The following DGKG variants were observed in gnomAD, a reference collection of about 807,000 sequenced individuals.
DGKG encodes the protein diacylglycerol kinase gamma.
A neutral mutation model predicts 105.3 loss-of-function variants in DGKG; 78 were observed. That is an observed-to-expected ratio of 0.74 (90% confidence interval 0.62 to 0.89). The LOEUF (loss-of-function observed/expected upper bound fraction) is 0.89, where lower values mean the gene tolerates loss of function less well. Among genes scored for constraint, DGKG ranks in the 40% least tolerant of loss-of-function variants. DGKG has a pLI of 0.00. For synonymous variants in DGKG, 346 were observed against 367.1 expected, an observed-to-expected ratio of 0.94 and a Z score of 0.66; for missense variants, 958 against 1,020.1, an observed-to-expected ratio of 0.94 and a Z score of 0.83.
chr3:186,299,235 T>G (rs539133494), intron 3 of DGKG, among the ~76,000 whole-genome samples: 31 of 152,316 alleles, frequency 2.0e-4, no homozygotes, highest in African/African-American at 6.5e-4. Flanking sequence ...ATAGCAGCCA[T>G]GAGAATAAAA....
intron 22 of DGKG, among the ~76,000 whole-genome samples, chr3:186,179,637 G>A (rs985176451): frequency 2.0e-5 from 3 of 152,182 alleles, no homozygotes; most frequent in Non-Finnish European, 2.9e-5. Flanking sequence ...TGAGAACCAC[G>A]TTGAATGGCC....
rs1377176416 is a variant in DGKG, at chr3:186,320,489, C to A, written c.-30G>T. The A allele has an allele frequency of 1.2e-6, 2 of 1,614,078 alleles. No homozygotes were observed. The highest frequency in any genetic ancestry group is 4.5e-5 in the East Asian group (2 of 44,874). The stretch of plus-strand genomic sequence containing the variant: ...AAACTTTATGTGAGTGGCTAAAGGG[C>A]AGTGATGGAGTTTTGTTCACTAGGC... On this transcript the variant is annotated 5_prime_UTR_variant, in exon 2 of 25. Transcript: ENST00000265022.
intron 20 of DGKG, among the ~76,000 whole-genome samples, chr3:186,225,321 C>A (rs1719805874): frequency 6.6e-6 from 1 of 152,088 alleles, no homozygotes; most frequent in Non-Finnish European, 1.5e-5. Flanking sequence ...CTTTAAAATT[C>A]TCCTCAAGCC....
chr3:186,343,413 C>A (rs35448534), intron 1 of DGKG, among the ~76,000 whole-genome samples: 42,343 of 151,894 alleles, frequency 0.28, 6,523 homozygotes, highest in African/African-American at 0.41. Context: ...ACCTCAGCCT[C>A]CTGAGTAGCC....
At position 186,188,375 on chromosome 3, in the gene DGKG, T is replaced by A; in HGVS notation, c.1922A>T (p.Asp641Val). 1 of 1,613,934 alleles carries A rather than the reference T, an allele frequency of 6.2e-7. No homozygotes were observed. Among genetic ancestry groups the A allele is most frequent in the South Asian group, 1.1e-5 (1 of 91,076 alleles). Residue 641 changes from aspartate to valine, a missense_variant, in exon 22 of 25, where the codon GAT becomes GTT. Asp to Val is a radical substitution (Grantham distance 152, BLOSUM62 -3). Coordinates refer to ENST00000265022, the MANE Select transcript of DGKG (RefSeq NM_001346.3). ...GTTGCTCAGGTCCACCCCAACCCCATCACACTGGAGGACGGAGAGAAAAGG... is the reference window on the plus strand; with the variant it reads ...GTTGCTCAGGTCCACCCCAACCCCAACACACTGGAGGACGGAGAGAAAAGG... ...KLHDHIELECDGVGVDLSNIF... is the reference protein window; with the variant it reads ...KLHDHIELECVGVGVDLSNIF...
intron 24 of DGKG, chr3:186,160,558 A>G: frequency 1.0e-6 from 1 of 985,426 alleles, no homozygotes; most frequent in Non-Finnish European, 1.2e-6. Flanking sequence ...TTTATAGAAG[A>G]TGCTACCTTT....
intron 1 of DGKG, among the ~76,000 whole-genome samples, chr3:186,335,874 G>A (rs567254469): frequency 2.6e-5 from 4 of 152,184 alleles, no homozygotes; most frequent in Admixed American, 1.3e-4. Flanking sequence ...AAATCGAAAC[G>A]ATTTAAATGC....
Position 186,257,933 on chromosome 3 carries a change from G to T in DGKG, c.1431C>A (p.Asn477Lys). The change falls in exon 17 of 25, where the codon AAC (asparagine) becomes AAA (lysine). Residue 477 changes from asparagine (N) to lysine (K), a missense_variant. Around this residue, in one of 2 missense-constraint regions of DGKG, gnomAD observed 643 missense variants for 619.5 expected, o/e 1.04. Transcript: ENST00000265022. ...GGAAGTCTGGAGTATCACGGAAAAA[G>T]TTCAACCTGGGAAGAAGAAGAAAGG... ...LDNGGPTPGL[N>K]FFRDTPDFRV... 1.2e-6 allele frequency: 2 copies of T among 1,613,964 alleles called. No individual in the cohort carries two copies. Among genetic ancestry groups the T allele is most frequent in the Non-Finnish European group, 1.7e-6 (2 of 1,179,868 alleles).
At chr3:186,202,319 C>G (rs1024467484) in intron 21 of DGKG, among the ~76,000 whole-genome samples, 1 of 152,204 alleles carries the variant, frequency 6.6e-6, no homozygotes, top group Admixed American at 6.5e-5. Flanking sequence ...CTTCTTAATT[C>G]CTCTTCTAGT....
intron 3 of DGKG, among the ~76,000 whole-genome samples, chr3:186,302,505 T>TAC (rs869225715): frequency 1.2e-3 from 14 of 12,072 alleles, no homozygotes; most frequent in South Asian, 9.6e-3. Flanking sequence ...TATATATATA[T>TAC]ACATATGTGT....
At chr3:186,190,459 C>T (rs533790147) in intron 21 of DGKG, among the ~76,000 whole-genome samples, 14 of 152,286 alleles carry the variant, frequency 9.2e-5, no homozygotes, top group Middle Eastern at 3.4e-3. Flanking sequence ...AATGAGATGA[C>T]GTGCAAAGCT....
chr3:186,163,765 T>G (rs1217041283), intron 23 of DGKG, among the ~76,000 whole-genome samples: 5 of 151,928 alleles, frequency 3.3e-5, no homozygotes, highest in Non-Finnish European at 7.4e-5. Context: ...TCCTCAAGGA[T>G]CAGGATGTTC....
At chr3:186,168,877 G>A (rs1716684441) in intron 22 of DGKG, among the ~76,000 whole-genome samples, 1 of 152,116 alleles carries the variant, frequency 6.6e-6, no homozygotes, top group Non-Finnish European at 1.5e-5. Context: ...AAAACACCAA[G>A]TGCTGGGGAA....
chr3:186,299,841 T>TTTCTTTCTTTCCTTC lies in DGKG; in HGVS notation c.145-1613_145-1612insGAAGGAAAGAAAGAA, dbSNP rs1446531456. Among the ~76,000 whole-genome samples, 194 of 74,660 alleles carry TTTCTTTCTTTCCTTC rather than the reference T, an allele frequency of 2.6e-3. 7 individuals are homozygous for TTTCTTTCTTTCCTTC. Among genetic ancestry groups the TTTCTTTCTTTCCTTC allele is most frequent in the African/African-American group, 0.011 (181 of 17,088 alleles). 49.0% of individuals were successfully genotyped at this position (74,660 alleles called of 152,430 possible). A position where few individuals can be genotyped will look rare whatever the true frequency, so the allele number is the denominator to read the frequency against. On this transcript the variant is annotated intron_variant, in intron 3 of 24. Coordinates refer to ENST00000265022, the MANE Select transcript of DGKG (RefSeq NM_001346.3). ...TCTTTCTTTCTTTCTTTCTTTCTTT[T>TTTCTTTCTTTCCTTC]TTTTTTTTTTTGAGATAGAGCCTTG...
Position 186,149,390 on chromosome 3 carries a change from A to T in DGKG, c.*700T>A. The T allele has an allele frequency of 1.0e-6, 1 of 985,442 alleles. No homozygotes were observed. Among genetic ancestry groups the T allele is most frequent in the South Asian group, 4.7e-5 (1 of 21,290 alleles). The allele number at this position is 985,442 out of a possible 1,614,324, so 61.0% of individuals were successfully genotyped here. On this transcript the variant is annotated 3_prime_UTR_variant, in exon 25 of 25. Coordinates refer to ENST00000265022, the MANE Select transcript of DGKG (RefSeq NM_001346.3). ...TGCAGGCAGCTCTGGGGGCTCTTGG[A>T]GCCGCCTCTAAGCAAACATGTAGAC...
intron 2 of DGKG, among the ~76,000 whole-genome samples, chr3:186,314,189 A>G (rs1297019662): frequency 0.013 from 1,481 of 112,364 alleles, 29 homozygotes; most frequent in African/African-American, 0.038. Context: ...ACACACACAC[A>G]CACACACACA....
In DGKG at chr3:186,147,773, C is replaced by G. The variant is rs920513538; in HGVS notation, c.*2317G>C. ...ATGGCTGAAACACATGCACGAACTTCTGTAAATGTCTTAGAATCAGTGACC... is the reference window on the plus strand; with the variant it reads ...ATGGCTGAAACACATGCACGAACTTGTGTAAATGTCTTAGAATCAGTGACC... On this transcript the variant is annotated 3_prime_UTR_variant, in exon 25 of 25. Transcript: ENST00000265022. The G allele has an allele frequency of 2.1e-5, 21 of 985,310 alleles. No homozygotes were observed. The highest frequency in any genetic ancestry group is 1.8e-4 in the Admixed American group (3 of 16,256). 61.0% of individuals were successfully genotyped at this position (985,310 alleles called of 1,614,324 possible).
intron 10 of DGKG, among the ~76,000 whole-genome samples, chr3:186,272,621 G>A (rs1218610469): frequency 4.6e-5 from 7 of 152,234 alleles, no homozygotes; most frequent in Admixed American, 2.6e-4. Flanking sequence ...CCAGAAAGGC[G>A]CTTTTTCCTG....
intron 1 of DGKG, among the ~76,000 whole-genome samples, chr3:186,347,448 C>CA (rs576239325): frequency 0.097 from 4,877 of 50,246 alleles, 317 homozygotes; most frequent in African/African-American, 0.15. Flanking sequence ...GACTCAGTCT[C>CA]AAAAAAAAAA....
Sources: allele counts gnomAD v4.1 joint callset (sites outside exome capture counted in the v4.1 genomes callset), GRCh38; gene constraint gnomAD v4.1.1; regional missense constraint gnomAD v4.1.1; transcripts MANE v1.5; gene names NCBI Gene and HGNC (gene_info 2026-07-23, HGNC 2026-07-21).